The following CDC14A variants were observed in gnomAD, a reference collection of about 807,000 sequenced individuals.
CDC14A encodes cell division cycle 14A, also known as dual specificity protein phosphatase CDC14A.
CDC14A carries 53 observed loss-of-function variants against 74.4 expected under a neutral mutation model. The observed-to-expected ratio is 0.71, with a 90% CI of 0.57 to 0.89. The LOEUF (loss-of-function observed/expected upper bound fraction) is 0.89. Ranked by LOEUF, CDC14A falls within the 40% of genes least tolerant of loss-of-function variation. CDC14A has a pLI of 0.00. For missense variants in CDC14A, 646 were observed against 713.7 expected (o/e 0.91, Z 1.08); for synonymous variants, 247 against 258.4 (o/e 0.96, Z 0.43).
At chr1:100,469,018 C>T (rs1321872287) in intron 10 of CDC14A, among the ~76,000 whole-genome samples, 5 of 152,032 alleles carry the variant, frequency 3.3e-5, no homozygotes, top group African/African-American at 9.7e-5. Flanking sequence ...CCTTGACTTC[C>T]CAAAGTGCAG....
At chr1:100,505,581 G>A (rs1389368157) in intron 15 of CDC14A, among the ~76,000 whole-genome samples, 2 of 152,198 alleles carry the variant, frequency 1.3e-5, no homozygotes, top group Non-Finnish European at 2.9e-5. Context: ...TGCTGACAGT[G>A]ATAAGCTACT....
chr1:100,447,382 A>T (rs1186318822), intron 7 of CDC14A, among the ~76,000 whole-genome samples: 1 of 152,184 alleles, frequency 6.6e-6, no homozygotes, highest in African/African-American at 2.4e-5. Context: ...CTGTTGTGGA[A>T]CTGTACAGTT....
chr1:100,446,960 A>G (rs1361639420), intron 7 of CDC14A, among the ~76,000 whole-genome samples: 1 of 152,122 alleles, frequency 6.6e-6, no homozygotes, highest in Admixed American at 6.5e-5. Context: ...TGTCTTTCCA[A>G]AGTCCTGGGA....
intron 3 of CDC14A, 23 bp from the exon 4 acceptor site, chr1:100,390,709 C>G: frequency 6.8e-7 from 1 of 1,475,612 alleles, no homozygotes; most frequent in Non-Finnish European, 9.5e-7. Flanking sequence ...GTTACACTAA[C>G]TCTTTTTATC....
intron 13 of CDC14A, among the ~76,000 whole-genome samples, chr1:100,496,879 T>C (rs1488594162): frequency 6.6e-6 from 1 of 152,228 alleles, no homozygotes; most frequent in African/African-American, 2.4e-5. Context: ...AAATGATTTA[T>C]CTAGGATCAA....
chr1:100,478,014 T>C (rs1571297640), intron 10 of CDC14A, among the ~76,000 whole-genome samples: 1 of 152,186 alleles, frequency 6.6e-6, no homozygotes, highest in East Asian at 1.9e-4. Context: ...AATTTACTTA[T>C]TGGCTGACCT....
chr1:100,350,906 A>G (rs1031774367), upstream of CDC14A, among the ~76,000 whole-genome samples: 1 of 152,190 alleles, frequency 6.6e-6, no homozygotes, highest in Non-Finnish European at 1.5e-5. Flanking sequence ...CAATAAAATA[A>G]TTTGAGGCCT....
chr1:100,421,163 A>G (rs1039854906), intron 4 of CDC14A, among the ~76,000 whole-genome samples: 1 of 152,156 alleles, frequency 6.6e-6, no homozygotes, highest in African/African-American at 2.4e-5. Context: ...AGTTTGGGGA[A>G]AGTTCTGGTT....
At chr1:100,366,596 C>T (rs1185571320) in intron 2 of CDC14A, among the ~76,000 whole-genome samples, 1 of 152,136 alleles carries the variant, frequency 6.6e-6, no homozygotes, top group East Asian at 1.9e-4. Flanking sequence ...GGACCTGCAC[C>T]TGTGGGGTGG....
chr1:100,350,134 A>T (rs1427443194), upstream of CDC14A, among the ~76,000 whole-genome samples: 6 of 152,074 alleles, frequency 3.9e-5, no homozygotes, highest in Admixed American at 3.9e-4. Flanking sequence ...TTGTATTATT[A>T]GTAGAGTTGG....
intron 4 of CDC14A, among the ~76,000 whole-genome samples, chr1:100,412,270 T>A (rs145504877): frequency 1.6e-4 from 25 of 152,274 alleles, no homozygotes; most frequent in African/African-American, 5.5e-4. Context: ...AATGCTCTGA[T>A]TACTTAACCT....
At chr1:100,426,900 A>G (rs1357250493) in intron 5 of CDC14A, among the ~76,000 whole-genome samples, 1 of 152,228 alleles carries the variant, frequency 6.6e-6, no homozygotes, top group African/African-American at 2.4e-5. Context: ...AACAGAAAAT[A>G]CCACAAAGTA....
chr1:100,489,960 T>A (rs1670453565), intron 11 of CDC14A, among the ~76,000 whole-genome samples: 1 of 152,110 alleles, frequency 6.6e-6, no homozygotes. Context: ...CCAGGTTGGG[T>A]TCTCCTCATT....
At chr1:100,444,039 C>T (rs1665255548) in intron 7 of CDC14A, among the ~76,000 whole-genome samples, 1 of 152,110 alleles carries the variant, frequency 6.6e-6, no homozygotes, top group South Asian at 2.1e-4. Flanking sequence ...ATTCTGTTTC[C>T]ATGTTAAATG....
intron 4 of CDC14A, among the ~76,000 whole-genome samples, chr1:100,397,572 A>G (rs1196980198): frequency 6.6e-6 from 1 of 152,222 alleles, no homozygotes; most frequent in Non-Finnish European, 1.5e-5. Context: ...TAGGTCAAGG[A>G]GAATTTGGAT....
rs549496554 is a variant in CDC14A at position 100,516,557 on chromosome 1, A to T, written c.1756-1694A>T. Among the ~76,000 whole-genome samples, 133 of 152,300 alleles carry T rather than the reference A, an allele frequency of 8.7e-4. 1 individual carries two copies. In the Middle Eastern group the frequency reaches 0.014, roughly 16 times the overall value. ...CAAGAAAGCACTAGCTGAGCTACAC[A>T]CACACACATACACGCACAACATACC... On this transcript the variant is annotated intron_variant, in intron 15 of 15. Coordinates refer to ENST00000336454, the MANE Select transcript of CDC14A (RefSeq NM_003672.4).
chr1:100,379,924 A>G lies in CDC14A; in HGVS notation c.216+2303A>G, dbSNP rs116128575. 7.3e-3 allele frequency among the ~76,000 whole-genome samples: 1,107 copies of G among 152,268 alleles called. 13 individuals carry two copies. The highest frequency in any genetic ancestry group is 0.026 in the African/African-American group (1,060 of 41,548). Reference sequence around the variant, plus strand: ...GGAACTAAGAGTGAAAACCCACTCAATCCCCTCAGAATGGCACCGAGCCGT... The same window carrying G: ...GGAACTAAGAGTGAAAACCCACTCAGTCCCCTCAGAATGGCACCGAGCCGT... On this transcript the variant is annotated intron_variant, in intron 3 of 15. Transcript: ENST00000336454.
At chr1:100,408,681 C>CT (rs1660264190) in intron 4 of CDC14A, among the ~76,000 whole-genome samples, 1 of 152,168 alleles carries the variant, frequency 6.6e-6, no homozygotes, top group Non-Finnish European at 1.5e-5. Flanking sequence ...TGATACTGAG[C>CT]TTTTTTTCTT....
At chr1:100,406,711 G>A (rs1048861099) in intron 4 of CDC14A, among the ~76,000 whole-genome samples, 2 of 151,980 alleles carry the variant, frequency 1.3e-5, no homozygotes, top group Non-Finnish European at 2.9e-5. Context: ...ATCACCTGAG[G>A]TTGGGAGTTT....
Sources: allele counts gnomAD v4.1 joint callset (sites outside exome capture counted in the v4.1 genomes callset), GRCh38; gene constraint gnomAD v4.1.1; transcripts MANE v1.5; gene names NCBI Gene and HGNC (gene_info 2026-07-23, HGNC 2026-07-21).